Variants in UBA1 observed in about 807,000 individuals in gnomAD.
UBA1 encodes the protein ubiquitin-like modifier-activating enzyme 1.
Under a neutral mutation model 84.7 loss-of-function variants are expected in UBA1, and 4 were observed. The observed-to-expected ratio is 0.05, with a 90% CI of 0.02 to 0.11. The LOEUF (loss-of-function observed/expected upper bound fraction) is 0.11. UBA1 is among the 10% of genes least tolerant of loss of function. UBA1 has a pLI of 1.00. For missense variants in UBA1, 513 were observed against 902.8 expected, an observed-to-expected ratio of 0.57 and a Z score of 5.53; for synonymous variants, 364 against 362.6, an observed-to-expected ratio of 1.00 and a Z score of -0.04.
At position 47,212,874 on chromosome X, in the gene UBA1, T is replaced by C. The variant is rs367788670; in HGVS notation, c.2646+11T>C. On this transcript the variant is annotated intron_variant, in intron 22 of 25. Transcript: ENST00000335972. ...GCAGACCGGCACAAGGTGAGGGGAA[T>C]CTAAATCTGATGTTCCACCCTCCTC... is the stretch of plus-strand genomic sequence containing the variant. The C allele has an allele frequency of 2.9e-5, 35 of 1,208,266 alleles. No homozygotes were observed. The highest frequency in any genetic ancestry group is 3.7e-5 in the Non-Finnish European group (33 of 893,968).
intron 14 of UBA1, chrX:47,205,634 CT>C: frequency 2.7e-6 from 1 of 369,019 alleles, no homozygotes; most frequent in Non-Finnish European, 5.1e-6. Context: ...GGGCCGAGGT[CT>C]TTGAGCTCAG....
At position 47,203,707 on chromosome X, in the gene UBA1, T is replaced by G; in HGVS notation, c.1575+11T>G. On this transcript the variant is annotated intron_variant, in intron 14 of 25. Coordinates refer to ENST00000335972, the MANE Select transcript of UBA1 (RefSeq NM_003334.4). ...CCCTGGGATGTCACGGTGAGTAGGG[T>G]AGGAGGTTGGGGCTTTGTCGTCTCA... 1 of 1,205,226 alleles carries G rather than the reference T, an allele frequency of 8.3e-7. No homozygotes were observed. The highest frequency in any genetic ancestry group is 2.2e-5 in the Admixed American group (1 of 45,331).
chrX:47,197,058 T>G (rs782106000), intron 1 of UBA1: 178 of 726,233 alleles, frequency 2.5e-4, no homozygotes, highest in Non-Finnish European at 2.8e-4. Flanking sequence ...GAAAATATGG[T>G]TCACCTTTGT....
chrX:47,202,622 C>CT lies in UBA1; in HGVS notation c.1057-13dup. On this transcript the variant is annotated splice_polypyrimidine_tract_variant and intron_variant, in intron 10 of 25. Transcript: ENST00000335972. ...TGGCCTGACATATCCTCTCTTGGTT[C>CT]TTTCTGGCCCACCAGGAGGATGCAG... The CT allele has an allele frequency of 1.4e-5, 17 of 1,212,052 alleles. No homozygotes were observed. Among genetic ancestry groups the CT allele is most frequent in the Non-Finnish European group, 1.9e-5 (17 of 895,452 alleles).
intron 23 of UBA1, among the ~76,000 whole-genome samples, chrX:47,213,905 G>A (rs918462871): frequency 1.8e-5 from 2 of 111,376 alleles, no homozygotes; most frequent in Non-Finnish European, 3.8e-5. Context: ...AGAATACCAG[G>A]GGGCGAGGGG....
At chrX:47,210,747 A>C in intron 18 of UBA1, 95 bp from the exon 19 acceptor site, 1 of 926,154 alleles carries the variant, frequency 1.1e-6, no homozygotes, top group Non-Finnish European at 1.5e-6. Context: ...AAGATAGTGA[A>C]TTGGGGGCAC....
At chrX:47,191,939 C>T (rs1320182782), upstream of UBA1, among the ~76,000 whole-genome samples, 10 of 111,929 alleles carry the variant, frequency 8.9e-5, no homozygotes, top group African/African-American at 3.2e-4. Context: ...GATAATCAGC[C>T]GGCTCTGGAT....
intron 1 of UBA1, among the ~76,000 whole-genome samples, chrX:47,195,305 A>T (rs1208265825): frequency 9.1e-6 from 1 of 110,453 alleles, no homozygotes; most frequent in Admixed American, 9.6e-5. Flanking sequence ...GCTGGAGTGC[A>T]GTGGCGCCAT....
chrX:47,203,040 G>A lies in UBA1; in HGVS notation c.1331G>A (p.Cys444Tyr). ...EDKEVLTEDK[C>Y]LQRQNRYDGQ... ...AAAGAGGTCCTCACAGAGGACAAGT[G>A]CCTCCAGGTATGTGGGTGGGACCTG... The change falls in exon 12 of 26, where the codon TGC becomes TAC. Residue 444 changes from cysteine (C) to tyrosine (Y), a missense_variant. By Grantham distance (194) the Cys-to-Tyr change is radical. Coordinates refer to ENST00000335972, the MANE Select transcript of UBA1 (RefSeq NM_003334.4). 2 of 1,209,533 alleles carry A rather than the reference G, an allele frequency of 1.7e-6. No homozygotes were observed. The highest frequency in any genetic ancestry group is 2.2e-6 in the Non-Finnish European group (2 of 893,223).
In UBA1 at chrX:47,199,493, A is replaced by G; in HGVS notation, c.359A>G (p.Glu120Gly). The change falls in exon 5 of 26, where the codon GAG becomes GGG. Residue 120 changes from glutamate (E) to glycine (G), a missense_variant. By Grantham distance (98) the Glu-to-Gly change is moderately conservative. Around this residue, in one of 6 missense-constraint regions of UBA1, gnomAD observed 227 missense variants for 339.1 expected, o/e 0.67. Transcript: ENST00000335972. ...ACACCCTTACAGTTCTACCTGCGGG[A>G]GGAGGACATCGGTAAAAACCGGGCC... ...ADLSSQFYLR[E>G]EDIGKNRAEV... 8.3e-7 allele frequency: 1 copy of G among 1,211,621 alleles called. No homozygotes were observed. Among genetic ancestry groups the G allele is most frequent in the Non-Finnish European group, 1.1e-6 (1 of 895,501 alleles).
At chrX:47,208,324 CGTGTGTGT>C (rs71925003) in intron 16 of UBA1, among the ~76,000 whole-genome samples, 5 of 107,277 alleles carry the variant, frequency 4.7e-5, no homozygotes, top group East Asian at 3.0e-4. Context: ...AGTGTGTGTA[CGTGTGTGT>C]GTGTGTGTGT....
intron 8 of UBA1, 62 bp from the exon 9 acceptor site, chrX:47,202,094 G>C: frequency 1.0e-6 from 1 of 982,174 alleles, no homozygotes. Context: ...TCCTTATCTT[G>C]CAGGGGTTGT....
chrX:47,215,128 A>C lies in UBA1; in HGVS notation c.*199A>C. ...TCCTAATAAAGAATTAATAACTCCC[A>C]CATCGCCTGCCCTGCTGGTTCCAGG... On this transcript the variant is annotated 3_prime_UTR_variant, in exon 26 of 26. Transcript: ENST00000335972. 1.9e-6 allele frequency: 1 copy of C among 514,695 alleles called. No homozygotes were observed. The highest frequency in any genetic ancestry group is 3.2e-6 in the Non-Finnish European group (1 of 314,130). The allele number at this position is 514,695 out of a possible 1,213,427, so 42.4% of individuals were successfully genotyped here.
chrX:47,194,229 G>A (rs1298928994), intron 1 of UBA1, among the ~76,000 whole-genome samples: 3 of 111,867 alleles, frequency 2.7e-5, no homozygotes, highest in African/African-American at 9.7e-5. Flanking sequence ...TGCAAAATCT[G>A]ACCTTGGAGT....
intron 5 of UBA1, 41 bp downstream of exon 5, chrX:47,199,655 CAG>C (rs1936332080): frequency 8.4e-7 from 1 of 1,196,587 alleles, no homozygotes; most frequent in African/African-American, 1.8e-5. Context: ...CCAGTTTTCT[CAG>C]AGCCCATCTC....
upstream of UBA1, among the ~76,000 whole-genome samples, chrX:47,193,430 C>G (rs1299975265): frequency 9.0e-6 from 1 of 111,374 alleles, no homozygotes; most frequent in African/African-American, 3.3e-5. Flanking sequence ...GCTTCCGGGC[C>G]CCTGCAAGAT....
chrX:47,214,507 A>G (rs782384275), intron 24 of UBA1, 30 bp from the exon 25 acceptor site: 2 of 1,203,996 alleles, frequency 1.7e-6, no homozygotes, highest in East Asian at 3.0e-5. Context: ...GTCCACCTCC[A>G]TGACCCTGCT....
rs781813028 is a variant in UBA1, at chrX:47,202,927, C to T, written c.1234-16C>T. On this transcript the variant is annotated splice_polypyrimidine_tract_variant and intron_variant, in intron 11 of 25. Coordinates refer to ENST00000335972, the MANE Select transcript of UBA1 (RefSeq NM_003334.4). Reference sequence around the variant, plus strand: ...GTTAACCACTGACCACCCCCTCTCTCCCTTCCCCTCTCCAGGCCTGCTCCG... The same window carrying T: ...GTTAACCACTGACCACCCCCTCTCTTCCTTCCCCTCTCCAGGCCTGCTCCG... 3.3e-6 allele frequency: 4 copies of T among 1,206,578 alleles called. No individual in the cohort carries two copies. In the South Asian group the frequency reaches 7.1e-5, roughly 21 times the overall value.
chrX:47,210,773 G>A, intron 18 of UBA1, 69 bp from the exon 19 acceptor site: 2 of 1,085,234 alleles, frequency 1.8e-6, no homozygotes, highest in Non-Finnish European at 2.5e-6. Flanking sequence ...GGGCCTAGGT[G>A]AAGCGTGAAG....
Sources: allele counts gnomAD v4.1 joint callset (sites outside exome capture counted in the v4.1 genomes callset), GRCh38; gene constraint gnomAD v4.1.1; regional missense constraint gnomAD v4.1.1; transcripts MANE v1.5; gene names NCBI Gene and HGNC (gene_info 2026-07-23, HGNC 2026-07-21).